CACNA2D2: variants seen among roughly 807,000 people sequenced by gnomAD.
CACNA2D2 encodes calcium voltage-gated channel auxiliary subunit alpha2delta 2.
Under a neutral mutation model 166.4 loss-of-function variants are expected in CACNA2D2, and 48 were observed. That is an observed-to-expected ratio of 0.29 (90% CI 0.23 to 0.37). The LOEUF (loss-of-function observed/expected upper bound fraction) is 0.37, where lower values mean the gene tolerates loss of function less well. Ranked by LOEUF, CACNA2D2 falls within the 10% of genes least tolerant of loss-of-function variation. The pLI, the probability that CACNA2D2 is intolerant of heterozygous loss-of-function variation, is 1.00. For synonymous variants in CACNA2D2, 561 were observed against 573.7 expected (o/e 0.98, Z 0.32); for missense variants, 1,122 against 1,433.0 (o/e 0.78, Z 3.50).
intron 2 of CACNA2D2, among the ~76,000 whole-genome samples, chr3:50,435,934 C>G (rs936258121): frequency 2.0e-5 from 3 of 152,190 alleles, no homozygotes; most frequent in African/African-American, 7.2e-5. Context: ...CCAGGATGTT[C>G]CCTGGGCCCC....
intron 3 of CACNA2D2, among the ~76,000 whole-genome samples, chr3:50,431,980 CAAAAAAAAAA>C (rs57712165): frequency 1.1e-5 from 1 of 92,248 alleles, no homozygotes; most frequent in Non-Finnish European, 2.2e-5. Flanking sequence ...GTGTCTGTCT[CAAAAAAAAAA>C]AAAAAAAAAA....
intron 1 of CACNA2D2, among the ~76,000 whole-genome samples, chr3:50,481,428 G>A (rs1166276500): frequency 6.6e-6 from 1 of 152,158 alleles, no homozygotes; most frequent in East Asian, 1.9e-4. Flanking sequence ...TCAGTCTGTG[G>A]CCTTCCCTTC....
chr3:50,454,541 C>T (rs1484994660), intron 2 of CACNA2D2, among the ~76,000 whole-genome samples: 1 of 152,228 alleles, frequency 6.6e-6, no homozygotes, highest in African/African-American at 2.4e-5. Context: ...CAACTGCAAA[C>T]ACTAATACCG....
rs919749100 is a variant in CACNA2D2, at chr3:50,420,689, C to T, written c.405+13624G>A. Among the ~76,000 whole-genome samples the T allele has an allele frequency of 3.9e-5, 6 of 152,260 alleles. No homozygotes were observed. The East Asian group carries it at 5.8e-4, about 15-fold the overall frequency. On this transcript the variant is annotated intron_variant, in intron 3 of 37. Coordinates refer to ENST00000424201, the MANE Select transcript of CACNA2D2 (RefSeq NM_006030.4). ...GGAAGTTGTCTGACAGGTAGGTGGA[C>T]GGACAGATGATGGCGACGATCACTG...
At chr3:50,479,930 C>T (rs775691422) in intron 1 of CACNA2D2, among the ~76,000 whole-genome samples, 1 of 152,204 alleles carries the variant, frequency 6.6e-6, no homozygotes, top group Non-Finnish European at 1.5e-5. Flanking sequence ...TCCCTAATTG[C>T]TTCTAAGTGC....
intron 3 of CACNA2D2, among the ~76,000 whole-genome samples, chr3:50,405,180 G>C (rs1450244279): frequency 6.6e-6 from 1 of 152,086 alleles, no homozygotes; most frequent in Non-Finnish European, 1.5e-5. Flanking sequence ...ACAGTGAAGA[G>C]GGAGGTGGGG....
At chr3:50,437,220 G>A (rs1284890366) in intron 2 of CACNA2D2, among the ~76,000 whole-genome samples, 1 of 152,194 alleles carries the variant, frequency 6.6e-6, no homozygotes, top group Middle Eastern at 3.4e-3. Flanking sequence ...TCTTTCTGCC[G>A]ACCCTGGTCT....
Position 50,364,741 on chromosome 3 carries a change from C to T in CACNA2D2, c.3357G>A (p.Leu1119=), listed in dbSNP as rs1031978997. 3 of 1,563,226 alleles carry T rather than the reference C, an allele frequency of 1.9e-6. No homozygotes were observed. The highest frequency in any genetic ancestry group is 1.4e-5 in the African/African-American group (1 of 73,314). Residue 1119 remains leucine (L), a synonymous_variant, in exon 38 of 38, where the codon CTG becomes CTA. Coordinates refer to ENST00000424201, the MANE Select transcript of CACNA2D2 (RefSeq NM_006030.4). ...GCAGGCCCAGGAGGAGCAGCAGTTG[C>T]AGGGAGACCAGGACGCCCAGCGACG... ...FPPSLGVLVS[L]QLLLLLGLPP... is the part of the protein sequence containing the mutation.
chr3:50,423,992 C>A (rs968339861), intron 3 of CACNA2D2, among the ~76,000 whole-genome samples: 4 of 152,278 alleles, frequency 2.6e-5, no homozygotes, highest in Non-Finnish European at 5.9e-5. Context: ...CCCCCAGAAG[C>A]ATCCCTCCCT....
intron 1 of CACNA2D2, among the ~76,000 whole-genome samples, chr3:50,497,793 G>C (rs1698784623): frequency 6.6e-6 from 1 of 152,136 alleles, no homozygotes; most frequent in African/African-American, 2.4e-5. Context: ...GGCAGCTCTG[G>C]AAGCTCTTCA....
At chr3:50,384,124 T>C (rs1705464948) in intron 6 of CACNA2D2, 72 bp downstream of exon 6, 3 of 1,574,764 alleles carry the variant, frequency 1.9e-6, no homozygotes, top group African/African-American at 1.3e-5. Flanking sequence ...CCAGGGACTC[T>C]GGAATGCCCT....
At chr3:50,459,200 A>C (rs969742702) in intron 2 of CACNA2D2, among the ~76,000 whole-genome samples, 1 of 152,192 alleles carries the variant, frequency 6.6e-6, no homozygotes, top group Non-Finnish European at 1.5e-5. Flanking sequence ...AATATTTGAT[A>C]AAAGGGAACC....
intron 3 of CACNA2D2, among the ~76,000 whole-genome samples, chr3:50,395,618 C>G (rs911522888): frequency 6.6e-6 from 1 of 152,232 alleles, no homozygotes; most frequent in Non-Finnish European, 1.5e-5. Context: ...AGGGGACGTC[C>G]TACTAAAGCC....
At chr3:50,404,963 C>T (rs956820137) in intron 3 of CACNA2D2, among the ~76,000 whole-genome samples, 1 of 152,182 alleles carries the variant, frequency 6.6e-6, no homozygotes, top group African/African-American at 2.4e-5. Context: ...GAGAGTGAGA[C>T]CCCACCCCAG....
chr3:50,378,331 A>C lies in CACNA2D2; in HGVS notation c.1342T>G (p.Tyr448Asp). 6.4e-7 allele frequency: 1 copy of C among 1,551,690 alleles called. No homozygotes were observed. The highest frequency in any genetic ancestry group is 8.7e-7 in the Non-Finnish European group (1 of 1,147,170). The change falls in exon 14 of 38, where the codon TAC (tyrosine) becomes GAC (aspartate). Residue 448 changes from tyrosine (Y) to aspartate (D), a missense_variant and splice_region_variant. By Grantham distance (160) the Tyr-to-Asp change is radical. This residue lies in a region of CACNA2D2 where 840 missense variants were observed against 1,166.8 expected (regional missense o/e 0.72). Coordinates refer to ENST00000424201, the MANE Select transcript of CACNA2D2 (RefSeq NM_006030.4). ...LQWMACANKG[Y>D]YFEIPSIGAI... Reference sequence around the variant, plus strand: ...CCGATGGAAGGGATCTCAAAATAGTAGCCTGTGAAGGAAGGAGAGGCAGAG... The same window carrying C: ...CCGATGGAAGGGATCTCAAAATAGTCGCCTGTGAAGGAAGGAGAGGCAGAG...
chr3:50,497,856 C>T (rs1698787629), intron 1 of CACNA2D2, among the ~76,000 whole-genome samples: 1 of 152,204 alleles, frequency 6.6e-6, no homozygotes, highest in Admixed American at 6.5e-5. Context: ...AAACCACACA[C>T]ACACTTCCCT....
intron 22 of CACNA2D2, among the ~76,000 whole-genome samples, chr3:50,372,741 A>G (rs587702805): frequency 1.1e-4 from 17 of 152,100 alleles, no homozygotes; most frequent in Non-Finnish European, 2.2e-4. Flanking sequence ...GACTGTCCCT[A>G]CTGTTGAGTT....
At chr3:50,476,929 CTTTTTTTT>C (rs61469495) in intron 1 of CACNA2D2, among the ~76,000 whole-genome samples, 2 of 135,242 alleles carry the variant, frequency 1.5e-5, no homozygotes, top group African/African-American at 5.4e-5. Context: ...GTTTCTTTTT[CTTTTTTTT>C]TTTTTTTTTT....
intron 3 of CACNA2D2, among the ~76,000 whole-genome samples, 177 bp from the exon 4 acceptor site, chr3:50,394,345 G>A (rs1470038083): frequency 6.6e-6 from 1 of 152,130 alleles, no homozygotes; most frequent in East Asian, 1.9e-4. Flanking sequence ...AGCTTGCTGT[G>A]TGGGCACCTC....
Sources: gnomAD v4.1 joint callset for allele counts (sites outside exome capture counted in the v4.1 genomes callset) on GRCh38, gnomAD v4.1.1 for gene constraint, gnomAD v4.1.1 regional missense constraint, MANE v1.5 for transcripts, NCBI Gene and HGNC (gene_info 2026-07-23, HGNC 2026-07-21) for gene names.